Variants in SCN1A observed in about 807,000 individuals in gnomAD.
SCN1A encodes sodium channel protein type 1 subunit alpha.
SCN1A carries 13 observed loss-of-function variants against 193.7 expected under a neutral mutation model. That is an observed-to-expected ratio of 0.07 (90% CI 0.04 to 0.11). The LOEUF (loss-of-function observed/expected upper bound fraction) is 0.11. Ranked by LOEUF, SCN1A falls within the 10% of genes least tolerant of loss-of-function variation. The pLI is 1.00. For synonymous variants in SCN1A, 781 were observed against 843.6 expected, an observed-to-expected ratio of 0.93 and a Z score of 1.29; for missense variants, 1,432 against 2,451.1, an observed-to-expected ratio of 0.58 and a Z score of 8.78.
chr2:166,071,409 T>C (rs1206315062), intron 4 of SCN1A, among the ~76,000 whole-genome samples: 1 of 151,936 alleles, frequency 6.6e-6, no homozygotes, highest in Non-Finnish European at 1.5e-5. Flanking sequence ...TAGAGGAAAA[T>C]GAAATACATG....
intron 2 of SCN1A, among the ~76,000 whole-genome samples, chr2:166,114,831 AC>A (rs1265811678): frequency 1.4e-4 from 21 of 152,178 alleles, no homozygotes; most frequent in Non-Finnish European, 2.9e-5. Context: ...AATTGAAAAC[AC>A]CATAGGAATC....
chr2:166,122,667 T>A (rs1690730914), intron 2 of SCN1A, among the ~76,000 whole-genome samples: 1 of 152,114 alleles, frequency 6.6e-6, no homozygotes, highest in Non-Finnish European at 1.5e-5. Flanking sequence ...GACAACTAGA[T>A]ATGAACAAAC....
At chr2:166,037,148 C>T (rs1430421674) in intron 18 of SCN1A, among the ~76,000 whole-genome samples, 1 of 152,042 alleles carries the variant, frequency 6.6e-6, no homozygotes, top group Non-Finnish European at 1.5e-5. Context: ...TAAACAGTAA[C>T]ACTCCAAATT....
Position 166,038,201 on chromosome 2 carries a change from A to T in SCN1A, c.2590-69T>A. ...GCATTATATATATTGAGCTTTACCTAGAAATGGTCATTAGAATTCAATATC... is the reference window on the plus strand; with the variant it reads ...GCATTATATATATTGAGCTTTACCTTGAAATGGTCATTAGAATTCAATATC... On this transcript the variant is annotated intron_variant, in intron 17 of 28. Coordinates refer to ENST00000674923, the MANE Select transcript of SCN1A (RefSeq NM_001165963.4). 2.5e-6 allele frequency: 3 copies of T among 1,194,232 alleles called. No individual in the cohort carries two copies. In the South Asian group the frequency reaches 4.5e-5, roughly 18 times the overall value. The allele number at this position is 1,194,232 out of a possible 1,614,324, so 74.0% of individuals were successfully genotyped here.
intron 12 of SCN1A, among the ~76,000 whole-genome samples, chr2:166,046,446 C>G (rs1697831705): frequency 6.6e-6 from 1 of 152,046 alleles, no homozygotes; most frequent in Admixed American, 6.6e-5. Context: ...ATTTCTTGTT[C>G]TAAGAAAAGA....
intron 23 of SCN1A, among the ~76,000 whole-genome samples, chr2:166,004,556 T>C (rs1237986742): frequency 1.3e-5 from 2 of 151,634 alleles, no homozygotes. Context: ...ATTTAATCTA[T>C]GTAAGATGAA....
chr2:166,103,188 C>A (rs1688307653), intron 2 of SCN1A, among the ~76,000 whole-genome samples: 2 of 152,052 alleles, frequency 1.3e-5, no homozygotes, highest in East Asian at 1.9e-4. Flanking sequence ...CGGTGGCTCA[C>A]GCCTGTAATC....
chr2:166,110,467 C>T (rs189045230), intron 2 of SCN1A, among the ~76,000 whole-genome samples: 3,223 of 152,162 alleles, frequency 0.021, 41 homozygotes, highest in Middle Eastern at 0.061. Flanking sequence ...AAAGTCTGAA[C>T]AAAAGATTGA....
chr2:166,084,076 G>A (rs1685823028), intron 2 of SCN1A, among the ~76,000 whole-genome samples: 1 of 152,066 alleles, frequency 6.6e-6, no homozygotes, highest in Non-Finnish European at 1.5e-5. Context: ...AATGAGAGAG[G>A]CACTGCCTAT....
At chr2:166,022,856 C>T (rs182209346) in intron 19 of SCN1A, among the ~76,000 whole-genome samples, 47 of 152,306 alleles carry the variant, frequency 3.1e-4, no homozygotes, top group Admixed American at 5.2e-4. Flanking sequence ...AAAACATATA[C>T]TACCAATCAG....
Position 165,987,830 on chromosome 2 carries a change from CAGTG to C in SCN1A, c.*3411_*3414del, listed in dbSNP as rs1372416791. On this transcript the variant is annotated 3_prime_UTR_variant, in exon 29 of 29. Transcript: ENST00000674923. ...CTTCTCTTTGTATTTGGAAAGGTAA[CAGTG>C]AGTAATGGCGTGGATGGGTAGTATA... 2 of 152,088 alleles carry C rather than the reference CAGTG, an allele frequency of 1.3e-5. No individual in the cohort carries two copies. Among genetic ancestry groups the C allele is most frequent in the African/African-American group, 4.8e-5 (2 of 41,408 alleles). The allele number at this position is 152,088 out of a possible 1,614,324, so 9.4% of individuals were successfully genotyped here.
chr2:166,138,079 GA>G (rs1290417188), intron 1 of SCN1A, among the ~76,000 whole-genome samples: 1 of 152,172 alleles, frequency 6.6e-6, no homozygotes, highest in Non-Finnish European at 1.5e-5. Flanking sequence ...GTATGTGGTG[GA>G]AGAAATTTCT....
intron 1 of SCN1A, among the ~76,000 whole-genome samples, chr2:166,143,132 CA>C (rs548975848): frequency 5.7e-4 from 85 of 148,236 alleles, no homozygotes; most frequent in African/African-American, 2.0e-3. Context: ...TCATTTGAAA[CA>C]AAACAAGAAA....
chr2:166,015,223 AAC>A (rs1156708157), intron 20 of SCN1A, among the ~76,000 whole-genome samples: 3 of 151,876 alleles, frequency 2.0e-5, no homozygotes, highest in African/African-American at 7.2e-5. Flanking sequence ...TCATTAAAGA[AAC>A]ACAATTTAGC....
chr2:165,991,412 TAAG>T lies in SCN1A; in HGVS notation c.5860_5862del (p.Leu1954del), dbSNP rs776519927. 3.1e-6 allele frequency: 5 copies of T among 1,613,706 alleles called. No individual in the cohort carries two copies. The highest frequency in any genetic ancestry group is 3.3e-5 in the Admixed American group (2 of 59,904). On this transcript the variant is annotated inframe_deletion, in exon 29 of 29. Coordinates refer to ENST00000674923, the MANE Select transcript of SCN1A (RefSeq NM_001165963.4). ...CTGTCAATTATCATGTCTTCTTTTA[TAAG>T]AAGATTAGCCCCACCTTTGATTTTG...
At chr2:166,034,587 C>T (rs2105784393) in intron 19 of SCN1A, among the ~76,000 whole-genome samples, 1 of 152,274 alleles carries the variant, frequency 6.6e-6, no homozygotes, top group South Asian at 2.1e-4. Context: ...TTGTCCTAGA[C>T]TCCTTGTTAA....
chr2:166,103,359 G>A (rs142539649), intron 2 of SCN1A, among the ~76,000 whole-genome samples: 187 of 152,100 alleles, frequency 1.2e-3, no homozygotes, highest in African/African-American at 4.0e-3. Flanking sequence ...ACTGAGGCAG[G>A]AGAATCACTT....
At chr2:166,006,331 G>A (rs1464758711) in intron 23 of SCN1A, among the ~76,000 whole-genome samples, 1 of 151,052 alleles carries the variant, frequency 6.6e-6, no homozygotes, top group East Asian at 1.9e-4. Context: ...CAAAAATTCT[G>A]ACTTTTTCTG....
At chr2:166,040,663 CA>C (rs1697054973) in intron 16 of SCN1A, among the ~76,000 whole-genome samples, 1 of 152,034 alleles carries the variant, frequency 6.6e-6, no homozygotes, top group South Asian at 2.1e-4. Flanking sequence ...TTTTGAAGCA[CA>C]AAAAGGAAAA....
Sources: gnomAD v4.1 joint callset for allele counts (sites outside exome capture counted in the v4.1 genomes callset) on GRCh38, gnomAD v4.1.1 for gene constraint, MANE v1.5 for transcripts, NCBI Gene and HGNC (gene_info 2026-07-23, HGNC 2026-07-21) for gene names.